The following IL1RAPL1 variants were observed in gnomAD, a reference collection of about 807,000 sequenced individuals.
IL1RAPL1 encodes the protein interleukin-1 receptor accessory protein-like 1.
Under a neutral mutation model 48.4 loss-of-function variants are expected in IL1RAPL1, and 3 were observed. The observed-to-expected ratio is 0.06, with a 90% CI of 0.03 to 0.16. The LOEUF (loss-of-function observed/expected upper bound fraction) is 0.16, where lower values mean the gene tolerates loss of function less well. IL1RAPL1 is among the 10% of genes least tolerant of loss of function. The pLI is 1.00. For missense variants in IL1RAPL1, 349 were observed against 530.6 expected (o/e 0.66, Z 3.36); for synonymous variants, 185 against 187.7 (o/e 0.99, Z 0.12).
chrX:29,823,773 A>T (rs1930671552), intron 6 of IL1RAPL1, among the ~76,000 whole-genome samples: 1 of 111,887 alleles, frequency 8.9e-6, no homozygotes, highest in Non-Finnish European at 1.9e-5. Flanking sequence ...CCTTGTGTAT[A>T]ACTTAACATG....
At chrX:29,555,004 A>G (rs1921945485) in intron 5 of IL1RAPL1, among the ~76,000 whole-genome samples, 1 of 112,594 alleles carries the variant, frequency 8.9e-6, no homozygotes, top group Non-Finnish European at 1.9e-5. Context: ...TATGGAATCC[A>G]GGCAGGCCTG....
At position 29,800,960 on chromosome X, in the gene IL1RAPL1, G is replaced by A. The variant is rs368045931; in HGVS notation, c.779-116504G>A. Among the ~76,000 whole-genome samples the A allele has an allele frequency of 4.2e-3, 346 of 83,218 alleles. 3 individuals are homozygous for A. Among genetic ancestry groups the A allele is most frequent in the African/African-American group, 0.015 (323 of 21,603 alleles). 72.3% of individuals were successfully genotyped at this position (83,218 alleles called of 115,157 possible). ...GGTTGTGGTGAGCCAAGATGGCACC[G>A]TTGCACTCCAGCCTGGGCAACAAGA... On this transcript the variant is annotated intron_variant, in intron 6 of 10. Coordinates refer to ENST00000378993, the MANE Select transcript of IL1RAPL1 (RefSeq NM_014271.4).
intron 1 of IL1RAPL1, among the ~76,000 whole-genome samples, chrX:28,712,654 G>A (rs1485737810): frequency 3.6e-5 from 4 of 110,899 alleles, no homozygotes; most frequent in Non-Finnish European, 7.5e-5. Context: ...ATCCAGTAGC[G>A]ATGTATAGGC....
rs1190020143 is a variant in IL1RAPL1, at chrX:29,441,091, A to G, written c.703+41783A>G. Among the ~76,000 whole-genome samples the G allele has an allele frequency of 4.5e-5, 5 of 110,666 alleles. No individual in the cohort carries two copies. The East Asian group carries it at 1.4e-3, about 31-fold the overall frequency. The stretch of plus-strand genomic sequence containing the variant: ...TTATTATCTACTTTTTACAACTTTA[A>G]CAATGACCCTGCATATCCTTCACTG... On this transcript the variant is annotated intron_variant, in intron 5 of 10. Coordinates refer to ENST00000378993, the MANE Select transcript of IL1RAPL1 (RefSeq NM_014271.4).
intron 6 of IL1RAPL1, among the ~76,000 whole-genome samples, chrX:29,871,112 T>C (rs1291462413): frequency 1.8e-5 from 2 of 111,936 alleles, no homozygotes; most frequent in African/African-American, 6.5e-5. Flanking sequence ...GGCCCCCTTT[T>C]TCCATCTTCA....
At chrX:29,268,545 G>A (rs759182569) in intron 2 of IL1RAPL1, among the ~76,000 whole-genome samples, 6 of 112,063 alleles carry the variant, frequency 5.4e-5, no homozygotes, top group East Asian at 2.8e-4. Flanking sequence ...ATATGTGTGC[G>A]TGCACATACC....
At chrX:29,491,966 A>G (rs1319839601) in intron 5 of IL1RAPL1, among the ~76,000 whole-genome samples, 2 of 112,080 alleles carry the variant, frequency 1.8e-5, no homozygotes, top group Non-Finnish European at 1.9e-5. Context: ...AACCCCTACA[A>G]TAATCTTTGT....
intron 7 of IL1RAPL1, 76 bp downstream of exon 7, chrX:29,917,672 G>T: frequency 1.1e-6 from 1 of 928,427 alleles, no homozygotes; most frequent in South Asian, 2.3e-5. Context: ...TAAGCTGAAA[G>T]GATTTTTTTT....
intron 2 of IL1RAPL1, among the ~76,000 whole-genome samples, chrX:29,198,409 C>G (rs1930487281): frequency 9.1e-6 from 1 of 109,996 alleles, no homozygotes; most frequent in Non-Finnish European, 1.9e-5. Context: ...CAATTCTCTG[C>G]CTCAGGCTCC....
intron 5 of IL1RAPL1, among the ~76,000 whole-genome samples, chrX:29,409,658 C>T (rs1934115698): frequency 9.0e-6 from 1 of 111,128 alleles, no homozygotes; most frequent in Non-Finnish European, 1.9e-5. Flanking sequence ...CATTTTAGAA[C>T]ATATTCATAG....
intron 4 of IL1RAPL1, among the ~76,000 whole-genome samples, chrX:29,396,969 A>T (rs1043032737): frequency 8.9e-6 from 1 of 112,191 alleles, no homozygotes; most frequent in Non-Finnish European, 1.9e-5. Context: ...CCAGAAATAT[A>T]ATATTGAAGT....
rs75988645 is a variant in IL1RAPL1 at position 28,648,907 on chromosome X, C to A, written c.-25+60860C>A. Among the ~76,000 whole-genome samples the A allele has an allele frequency of 7.2e-5, 8 of 111,524 alleles. No homozygotes were observed. The South Asian group carries it at 3.0e-3, about 42-fold the overall frequency. On this transcript the variant is annotated intron_variant, in intron 1 of 10. Coordinates refer to ENST00000378993, the MANE Select transcript of IL1RAPL1 (RefSeq NM_014271.4). ...ATCGTGGAGGTATGAGGTTAGGGAGCTTTAGTCCTCAATATCCAAGCTGAA... is the reference window on the plus strand; with the variant it reads ...ATCGTGGAGGTATGAGGTTAGGGAGATTTAGTCCTCAATATCCAAGCTGAA...
intron 6 of IL1RAPL1, among the ~76,000 whole-genome samples, chrX:29,906,821 A>G (rs759885084): frequency 9.1e-6 from 1 of 110,075 alleles, no homozygotes; most frequent in Non-Finnish European, 1.9e-5. Context: ...TTAAAAATTC[A>G]AATCCCTGGA....
At chrX:28,972,717 C>A (rs943988474) in intron 2 of IL1RAPL1, among the ~76,000 whole-genome samples, 1 of 111,200 alleles carries the variant, frequency 9.0e-6, no homozygotes, top group Admixed American at 9.5e-5. Flanking sequence ...CCAGCCTGAG[C>A]AACAGAGCAA....
chrX:29,874,508 T>A (rs887973153), intron 6 of IL1RAPL1, among the ~76,000 whole-genome samples: 1 of 112,087 alleles, frequency 8.9e-6, no homozygotes, highest in Non-Finnish European at 1.9e-5. Context: ...TCCTGCAAGT[T>A]CATGCTTTAT....
At chrX:29,845,224 A>G (rs1444104491) in intron 6 of IL1RAPL1, among the ~76,000 whole-genome samples, 1 of 111,821 alleles carries the variant, frequency 8.9e-6, no homozygotes, top group African/African-American at 3.3e-5. Context: ...AAAACAAGCC[A>G]TACAGATACT....
At chrX:29,733,485 C>T (rs1039711067) in intron 6 of IL1RAPL1, among the ~76,000 whole-genome samples, 3 of 112,167 alleles carry the variant, frequency 2.7e-5, no homozygotes, top group African/African-American at 9.7e-5. Flanking sequence ...TTCTCTGAAT[C>T]AGACTTGTGA....
At chrX:28,883,761 T>C (rs1160611008) in intron 2 of IL1RAPL1, among the ~76,000 whole-genome samples, 1 of 112,581 alleles carries the variant, frequency 8.9e-6, no homozygotes, top group Non-Finnish European at 1.9e-5. Context: ...CTTTTAATCA[T>C]ATAAAATAAA....
intron 3 of IL1RAPL1, among the ~76,000 whole-genome samples, chrX:29,378,918 T>C (rs1207609504): frequency 1.8e-5 from 2 of 112,443 alleles, no homozygotes; most frequent in Non-Finnish European, 3.8e-5. Flanking sequence ...AACATGGAGA[T>C]AGACTACTCC....
Sources: allele counts gnomAD v4.1 joint callset (sites outside exome capture counted in the v4.1 genomes callset), GRCh38; gene constraint gnomAD v4.1.1; transcripts MANE v1.5; gene names NCBI Gene and HGNC (gene_info 2026-07-23, HGNC 2026-07-21).